The following HECW1 variants were observed in gnomAD, a reference collection of about 807,000 sequenced individuals.
HECW1 encodes the protein E3 ubiquitin-protein ligase HECW1.
HECW1 carries 61 observed loss-of-function variants against 182.3 expected under a neutral mutation model. The observed-to-expected ratio is 0.33, with a 90% CI of 0.27 to 0.41. The LOEUF is 0.41. HECW1 is among the 10% of genes least tolerant of loss of function. The probability of loss-of-function intolerance (pLI) is 1.00; values close to 1 mark genes in which losing one functional copy is unlikely to be tolerated. For missense variants in HECW1, 1,739 were observed against 2,108.9 expected (o/e 0.82, Z 3.44); for synonymous variants, 859 against 832.6 (o/e 1.03, Z -0.55).
intron 19 of HECW1, among the ~76,000 whole-genome samples, chr7:43,494,970 A>G: frequency 6.6e-6 from 1 of 152,146 alleles, no homozygotes; most frequent in Non-Finnish European, 1.5e-5. Flanking sequence ...TGACTTCCCT[A>G]TTAAGGACAT....
intron 2 of HECW1, among the ~76,000 whole-genome samples, chr7:43,127,889 T>A (rs2152615748): frequency 6.6e-6 from 1 of 152,172 alleles, no homozygotes; most frequent in African/African-American, 2.4e-5. Flanking sequence ...TTTCCTTTTT[T>A]TTTTTTAAAG....
At chr7:43,402,929 C>T (rs1359894487) in intron 7 of HECW1, among the ~76,000 whole-genome samples, 2 of 152,068 alleles carry the variant, frequency 1.3e-5, no homozygotes, top group Non-Finnish European at 2.9e-5. Flanking sequence ...GAAATGCAAA[C>T]AAAGATTTAT....
chr7:43,422,519 C>T lies in HECW1; in HGVS notation c.801+14788C>T, dbSNP rs545050653. Among the ~76,000 whole-genome samples the T allele has an allele frequency of 1.3e-4, 19 of 151,998 alleles. No homozygotes were observed. The East Asian group carries it at 3.3e-3, about 26-fold the overall frequency. On this transcript the variant is annotated intron_variant, in intron 8 of 29. Coordinates refer to ENST00000395891, the MANE Select transcript of HECW1 (RefSeq NM_015052.5). Reference sequence around the variant, plus strand: ...CTGAGATTACAGACACACATCACTACGCCTGGTTAATTTTTTTGTATTTTT... The same window carrying T: ...CTGAGATTACAGACACACATCACTATGCCTGGTTAATTTTTTTGTATTTTT...
chr7:43,306,699 C>A (rs991379662), intron 3 of HECW1, among the ~76,000 whole-genome samples: 2 of 152,012 alleles, frequency 1.3e-5, no homozygotes, highest in African/African-American at 4.8e-5. Context: ...CACTCACTCA[C>A]GGCTTTATAT....
At chr7:43,552,485 C>G in intron 28 of HECW1, 149 bp downstream of exon 28, 2 of 637,832 alleles carry the variant, frequency 3.1e-6, no homozygotes, top group Non-Finnish European at 5.8e-6. Context: ...CAGTTTTGTG[C>G]AACCATTGCC....
intron 2 of HECW1, among the ~76,000 whole-genome samples, chr7:43,204,756 C>G (rs1021723267): frequency 6.6e-6 from 1 of 152,118 alleles, no homozygotes; most frequent in African/African-American, 2.4e-5. Context: ...TGGGTTTAGG[C>G]CATCTGAGTT....
chr7:43,543,989 AG>A (rs1327676103), intron 26 of HECW1, among the ~76,000 whole-genome samples: 1 of 152,216 alleles, frequency 6.6e-6, no homozygotes, highest in Admixed American at 6.5e-5. Context: ...CATCTGTAAA[AG>A]TTTTAAGTTA....
intron 16 of HECW1, among the ~76,000 whole-genome samples, chr7:43,474,438 G>A (rs1264074483): frequency 6.6e-6 from 1 of 152,062 alleles, no homozygotes; most frequent in East Asian, 1.9e-4. Flanking sequence ...GACAGAGCGA[G>A]ACTCTGTCTC....
intron 21 of HECW1, among the ~76,000 whole-genome samples, chr7:43,503,109 C>T (rs1328028210): frequency 6.6e-6 from 1 of 152,186 alleles, no homozygotes; most frequent in East Asian, 1.9e-4. Flanking sequence ...TAGTATCTCC[C>T]TGTTGTCACT....
intron 5 of HECW1, among the ~76,000 whole-genome samples, chr7:43,321,243 G>T (rs1810078189): frequency 6.6e-6 from 1 of 152,138 alleles, no homozygotes; most frequent in Non-Finnish European, 1.5e-5. Context: ...GTGAGACATT[G>T]GTACTACCAG....
chr7:43,461,711 A>C (rs1031748037), intron 13 of HECW1, among the ~76,000 whole-genome samples: 8 of 152,100 alleles, frequency 5.3e-5, no homozygotes, highest in African/African-American at 1.7e-4. Flanking sequence ...GAATTACAAC[A>C]AATGATTCTC....
Position 43,259,721 on chromosome 7 carries a change from GAA to G in HECW1, c.27+15792_27+15793del, listed in dbSNP as rs527344626. 5.9e-5 allele frequency among the ~76,000 whole-genome samples: 9 copies of G among 152,162 alleles called. No homozygotes were observed. The East Asian group carries it at 1.7e-3, about 29-fold the overall frequency. ...CTTAACAGCAGAACAGAAACTGAAA[GAA>G]AAGATTAGTGAACTTAAAGAATGGT... On this transcript the variant is annotated intron_variant, in intron 3 of 29. Coordinates refer to ENST00000395891, the MANE Select transcript of HECW1 (RefSeq NM_015052.5).
At chr7:43,525,364 AG>A (rs2080715330) in intron 24 of HECW1, among the ~76,000 whole-genome samples, 1 of 152,248 alleles carries the variant, frequency 6.6e-6, no homozygotes, top group African/African-American at 2.4e-5. Flanking sequence ...TGCATTCAAA[AG>A]TCTTTTTGTC....
intron 13 of HECW1, 91 bp downstream of exon 13, chr7:43,456,538 C>A: frequency 8.0e-7 from 1 of 1,245,132 alleles, no homozygotes; most frequent in Non-Finnish European, 1.1e-6. Context: ...TCTGCTCAGA[C>A]TGTATGAGGA....
intron 3 of HECW1, among the ~76,000 whole-genome samples, chr7:43,260,752 A>G (rs980713340): frequency 1.3e-5 from 2 of 152,162 alleles, no homozygotes; most frequent in African/African-American, 4.8e-5. Flanking sequence ...CATTGCTTGG[A>G]TGTGGGAGAT....
At chr7:43,496,937 C>T (rs777460089) in intron 19 of HECW1, among the ~76,000 whole-genome samples, 2 of 152,118 alleles carry the variant, frequency 1.3e-5, no homozygotes, top group African/African-American at 2.4e-5. Flanking sequence ...TATGCAGTAG[C>T]AAGCGAAACA....
In HECW1 at chr7:43,166,476, C is replaced by A. The variant is rs187305842; in HGVS notation, c.-32+52085C>A. The stretch of plus-strand genomic sequence containing the variant: ...TTAGGATCTAGAAGCAGCACCCAGG[C>A]CAGCTGCAGGGTGGAGATGGATGAG... On this transcript the variant is annotated intron_variant, in intron 2 of 29. Coordinates refer to ENST00000395891, the MANE Select transcript of HECW1 (RefSeq NM_015052.5). Among the ~76,000 whole-genome samples the A allele has an allele frequency of 3.6e-3, 550 of 152,242 alleles. 2 individuals are homozygous for A. Among genetic ancestry groups the A allele is most frequent in the Middle Eastern group, 0.024 (7 of 294 alleles).
intron 2 of HECW1, among the ~76,000 whole-genome samples, chr7:43,161,044 C>T (rs1410465507): frequency 6.6e-6 from 1 of 151,804 alleles, no homozygotes; most frequent in Non-Finnish European, 1.5e-5. Context: ...TGTGTGAGTC[C>T]CCTGGGTCCT....
chr7:43,507,989 C>T (rs1261174559), intron 22 of HECW1, 29 bp from the exon 23 acceptor site: 2 of 1,520,820 alleles, frequency 1.3e-6, no homozygotes, highest in Non-Finnish European at 9.1e-7. Flanking sequence ...ACTTCAGGGC[C>T]ACTGCTCACC....
Sources: allele counts gnomAD v4.1 joint callset (sites outside exome capture counted in the v4.1 genomes callset), GRCh38; gene constraint gnomAD v4.1.1; transcripts MANE v1.5; gene names NCBI Gene and HGNC (gene_info 2026-07-23, HGNC 2026-07-21).